KCNQ5: variants seen among roughly 807,000 people sequenced by gnomAD.
KCNQ5 encodes potassium voltage-gated channel subfamily KQT member 5.
KCNQ5 carries 30 observed loss-of-function variants against 98.2 expected under a neutral mutation model. The observed-to-expected ratio is 0.31, with a 90% CI of 0.23 to 0.41. The LOEUF is 0.41. Among genes scored for constraint, KCNQ5 ranks in the 10% least tolerant of loss-of-function variants. KCNQ5 has a pLI of 1.00. For synonymous variants in KCNQ5, 458 were observed against 449.4 expected, an observed-to-expected ratio of 1.02 and a Z score of -0.24; for missense variants, 835 against 1,182.5, an observed-to-expected ratio of 0.71 and a Z score of 4.31.
intron 1 of KCNQ5, among the ~76,000 whole-genome samples, chr6:72,662,603 A>C (rs1336523521): frequency 1.6e-5 from 2 of 127,304 alleles, no homozygotes; most frequent in Admixed American, 1.7e-4. Flanking sequence ...CTTGGAAATA[A>C]CTTTTTTTTT....
chr6:73,050,574 G>C (rs1772186842), intron 3 of KCNQ5, among the ~76,000 whole-genome samples: 1 of 152,026 alleles, frequency 6.6e-6, no homozygotes, highest in Non-Finnish European at 1.5e-5. Context: ...GTCTTTATTT[G>C]AATTTCACCA....
At chr6:73,090,261 GT>G (rs1370402663) in intron 5 of KCNQ5, among the ~76,000 whole-genome samples, 4 of 151,708 alleles carry the variant, frequency 2.6e-5, no homozygotes, top group South Asian at 2.1e-4. Context: ...GGGATTGTTT[GT>G]TTTTTTCATG....
intron 1 of KCNQ5, among the ~76,000 whole-genome samples, chr6:72,754,758 A>C (rs894842965): frequency 6.6e-6 from 1 of 152,044 alleles, no homozygotes; most frequent in Non-Finnish European, 1.5e-5. Flanking sequence ...ACACATGAAA[A>C]CAATGTTTAT....
At chr6:73,129,506 G>A (rs1467131600) in intron 9 of KCNQ5, among the ~76,000 whole-genome samples, 1 of 152,012 alleles carries the variant, frequency 6.6e-6, no homozygotes, top group African/African-American at 2.4e-5. Context: ...TTATTACAGG[G>A]GTAGCTATAT....
intron 5 of KCNQ5, among the ~76,000 whole-genome samples, chr6:73,093,342 T>G (rs1774335695): frequency 6.6e-6 from 1 of 152,164 alleles, no homozygotes; most frequent in South Asian, 2.1e-4. Context: ...TTTATTCATT[T>G]TTAAAGAACC....
intron 1 of KCNQ5, among the ~76,000 whole-genome samples, chr6:72,808,985 C>A (rs563091810): frequency 1.1e-4 from 16 of 151,192 alleles, no homozygotes; most frequent in Non-Finnish European, 1.9e-4. Flanking sequence ...AGACTTGGAA[C>A]CAACCCAAAT....
rs184795670 is a variant in KCNQ5 at position 72,939,228 on chromosome 6, A to T, written c.399-64680A>T. Among the ~76,000 whole-genome samples, 7 of 152,192 alleles carry T rather than the reference A, an allele frequency of 4.6e-5. No homozygotes were observed. The East Asian group carries it at 1.4e-3, about 29-fold the overall frequency. ...ATTGCTTGAACCCAGTCCCTCAGGG[A>T]CACTAGCTGGCAGGGCTCCCGGGTC... On this transcript the variant is annotated intron_variant, in intron 1 of 13. Transcript: ENST00000370398.
intron 4 of KCNQ5, 65 bp downstream of exon 4, chr6:73,077,562 G>A (rs1453368391): frequency 1.3e-6 from 2 of 1,491,862 alleles, no homozygotes; most frequent in African/African-American, 1.4e-5. Flanking sequence ...CGCTGTAATA[G>A]TTAATAAACC....
chr6:72,931,841 G>C (rs1161200768), intron 1 of KCNQ5, among the ~76,000 whole-genome samples: 3 of 152,174 alleles, frequency 2.0e-5, no homozygotes, highest in Admixed American at 6.6e-5. Flanking sequence ...GCCTGCCAGA[G>C]AGAGCTTCCA....
chr6:73,093,863 T>A (rs963459703), intron 5 of KCNQ5, among the ~76,000 whole-genome samples: 2 of 152,020 alleles, frequency 1.3e-5, no homozygotes, highest in African/African-American at 4.8e-5. Context: ...ATGCACTGAA[T>A]AGAATGTATA....
intron 1 of KCNQ5, among the ~76,000 whole-genome samples, chr6:72,943,092 T>C (rs753143737): frequency 3.3e-5 from 5 of 152,220 alleles, no homozygotes; most frequent in Admixed American, 2.0e-4. Context: ...ATTTACTACT[T>C]AAATGTAGCC....
intron 1 of KCNQ5, among the ~76,000 whole-genome samples, chr6:73,002,611 G>C (rs922690197): frequency 6.6e-6 from 1 of 152,070 alleles, no homozygotes. Context: ...TAAATATAAA[G>C]AAACAAGGAA....
Position 72,896,714 on chromosome 6 carries a change from G to A in KCNQ5, c.399-107194G>A, listed in dbSNP as rs578101908. Among the ~76,000 whole-genome samples, 4 of 152,256 alleles carry A rather than the reference G, an allele frequency of 2.6e-5. No individual in the cohort carries two copies. In the South Asian group the frequency reaches 8.3e-4, roughly 32 times the overall value. ...AAATTATGGTCAACAGAGGTTTAGA[G>A]TATGCAGAATTCTCTGAAGTCTTCC... is the stretch of plus-strand genomic sequence containing the variant. On this transcript the variant is annotated intron_variant, in intron 1 of 13. Transcript: ENST00000370398.
At chr6:72,791,750 G>A (rs140158872) in intron 1 of KCNQ5, among the ~76,000 whole-genome samples, 103 of 152,304 alleles carry the variant, frequency 6.8e-4, no homozygotes, top group Non-Finnish European at 1.4e-3. Flanking sequence ...ACCATGTCTA[G>A]TGAGGGCTTT....
chr6:72,921,821 G>A (rs1219641835), intron 1 of KCNQ5, among the ~76,000 whole-genome samples: 3 of 152,106 alleles, frequency 2.0e-5, no homozygotes, highest in African/African-American at 7.2e-5. Flanking sequence ...CCAAAACAAA[G>A]CTGGGTGTCA....
intron 9 of KCNQ5, chr6:73,125,271 C>A: frequency 3.0e-6 from 1 of 333,764 alleles, no homozygotes; most frequent in Non-Finnish European, 6.1e-6. Flanking sequence ...AGAATTAAAC[C>A]TAGAGGGAAT....
chr6:73,120,117 G>A (rs1037810003), intron 7 of KCNQ5, among the ~76,000 whole-genome samples: 2 of 151,818 alleles, frequency 1.3e-5, no homozygotes, highest in African/African-American at 4.8e-5. Context: ...ATGGTGGTGG[G>A]CACCTGTAGT....
At chr6:73,143,647 T>A (rs6911409) in intron 10 of KCNQ5, 41,467 of 152,118 alleles carry the variant, frequency 0.27, 11,045 homozygotes, top group African/African-American at 0.69. Flanking sequence ...TTTCAATTCA[T>A]ATCAGAAGGT....
chr6:72,999,914 C>T lies in KCNQ5; in HGVS notation c.399-3994C>T, dbSNP rs139854275. Among the ~76,000 whole-genome samples, 306 of 152,186 alleles carry T rather than the reference C, an allele frequency of 2.0e-3. 2 individuals carry two copies. Among genetic ancestry groups the T allele is most frequent in the African/African-American group, 7.2e-3 (297 of 41,524 alleles). On this transcript the variant is annotated intron_variant, in intron 1 of 13. Transcript: ENST00000370398. ...TTTGTGAGCAACAAATTCACAAGTA[C>T]GGCTAATACCATCATGATCTATTGC...
Sources: gnomAD v4.1 joint callset for allele counts (sites outside exome capture counted in the v4.1 genomes callset) on GRCh38, gnomAD v4.1.1 for gene constraint, MANE v1.5 for transcripts, NCBI Gene and HGNC (gene_info 2026-07-23, HGNC 2026-07-21) for gene names.